Variants in ANKRD6 observed in about 807,000 individuals in gnomAD.
ANKRD6 encodes ankyrin repeat domain-containing protein 6.
A neutral mutation model predicts 82.3 loss-of-function variants in ANKRD6; 56 were observed. The ratio of observed to expected loss-of-function variants is 0.68; its 90% CI spans 0.55 to 0.85. ANKRD6 has a LOEUF of 0.85. Ranked by LOEUF, ANKRD6 falls within the 40% of genes least tolerant of loss-of-function variation. ANKRD6 has a pLI of 0.00. For missense variants in ANKRD6, 852 were observed against 907.6 expected, an observed-to-expected ratio of 0.94 and a Z score of 0.79; for synonymous variants, 347 against 352.1, an observed-to-expected ratio of 0.99 and a Z score of 0.16.
At chr6:89,612,145 C>A in intron 5 of ANKRD6, 127 bp from the exon 6 acceptor site, 1 of 765,214 alleles carries the variant, frequency 1.3e-6, no homozygotes, top group South Asian at 2.1e-5. Flanking sequence ...CTGAAACCAT[C>A]GGGCAAGAGG....
chr6:89,630,622 A>T lies in ANKRD6; in HGVS notation c.1802A>T (p.Asn601Ile). The T allele has an allele frequency of 6.2e-7, 1 of 1,613,910 alleles. No homozygotes were observed. The highest frequency in any genetic ancestry group is 8.5e-7 in the Non-Finnish European group (1 of 1,179,834). Residue 601 changes from asparagine (N) to isoleucine (I), a missense_variant, in exon 16 of 16, where the codon AAT becomes ATT. Physicochemically the swap from Asn to Ile is moderately radical, Grantham distance 149 (BLOSUM62 -3). Coordinates refer to ENST00000339746, the MANE Select transcript of ANKRD6 (RefSeq NM_001242809.2). ...GTCCAGACAGCCTTGCTACCCATGAATGAGGCAGCCAGATCTGATCAGCAG... is the reference window on the plus strand; with the variant it reads ...GTCCAGACAGCCTTGCTACCCATGATTGAGGCAGCCAGATCTGATCAGCAG... The part of the protein sequence containing the change: ...VKVQTALLPM[N>I]EAARSDQQAG...
At chr6:89,529,854 A>G (rs115615396) in intron 1 of ANKRD6, among the ~76,000 whole-genome samples, 169 of 152,308 alleles carry the variant, frequency 1.1e-3, no homozygotes, top group African/African-American at 4.0e-3. Context: ...ACATTTACCA[A>G]TTAAGTTTGC....
intron 8 of ANKRD6, among the ~76,000 whole-genome samples, chr6:89,617,118 C>G (rs1007469688): frequency 6.6e-6 from 1 of 152,234 alleles, no homozygotes; most frequent in Non-Finnish European, 1.5e-5. Flanking sequence ...TCCTGCAGAT[C>G]CTAGAGCAGG....
At chr6:89,434,829 A>C (rs57027524) in intron 1 of ANKRD6, among the ~76,000 whole-genome samples, 11,920 of 152,210 alleles carry the variant, frequency 0.078, 580 homozygotes, top group South Asian at 0.15. Context: ...TTTTTTAAAA[A>C]TTAGGGATAC....
intron 9 of ANKRD6, chr6:89,621,471 T>C (rs1377865765): frequency 5.8e-6 from 1 of 171,996 alleles, no homozygotes; most frequent in African/African-American, 2.4e-5. Context: ...TGGACACAGT[T>C]TGGCCAAGGG....
intron 1 of ANKRD6, among the ~76,000 whole-genome samples, chr6:89,544,338 C>T (rs935532956): frequency 3.3e-5 from 5 of 152,210 alleles, no homozygotes; most frequent in Non-Finnish European, 5.9e-5. Context: ...AGAGTGCTCC[C>T]ATGCAGATAA....
At chr6:89,586,391 A>G (rs1317334686) in intron 2 of ANKRD6, among the ~76,000 whole-genome samples, 1 of 152,156 alleles carries the variant, frequency 6.6e-6, no homozygotes, top group Non-Finnish European at 1.5e-5. Context: ...GCGTCAACCC[A>G]TTGAAAATGT....
chr6:89,512,193 C>T (rs1173104433), intron 1 of ANKRD6, among the ~76,000 whole-genome samples: 1 of 152,202 alleles, frequency 6.6e-6, no homozygotes, highest in Admixed American at 6.5e-5. Flanking sequence ...TGTAGATAGA[C>T]TTCCATGCAT....
chr6:89,492,794 C>T (rs1215951192), intron 1 of ANKRD6, among the ~76,000 whole-genome samples: 1 of 151,886 alleles, frequency 6.6e-6, no homozygotes, highest in Non-Finnish European at 1.5e-5. Flanking sequence ...CATTTGGTAC[C>T]TTTTTTTTCT....
chr6:89,464,749 C>T (rs1395752873), intron 1 of ANKRD6, among the ~76,000 whole-genome samples: 3 of 152,316 alleles, frequency 2.0e-5, no homozygotes, highest in African/African-American at 7.2e-5. Flanking sequence ...TTTACGTCTG[C>T]ATAGAATTCT....
chr6:89,602,610 G>C (rs1196189775), intron 3 of ANKRD6: 1 of 176,284 alleles, frequency 5.7e-6, no homozygotes, highest in African/African-American at 2.3e-5. Flanking sequence ...GCTGGACAGT[G>C]GTCCCCCTGC....
chr6:89,485,205 A>C (rs554716644), intron 1 of ANKRD6, among the ~76,000 whole-genome samples: 8 of 152,326 alleles, frequency 5.3e-5, no homozygotes, highest in African/African-American at 1.7e-4. Context: ...TGTCAAGTTC[A>C]TAAGTGGAGT....
intron 1 of ANKRD6, among the ~76,000 whole-genome samples, chr6:89,503,960 G>A (rs1039330730): frequency 6.6e-6 from 1 of 152,074 alleles, no homozygotes; most frequent in South Asian, 2.1e-4. Flanking sequence ...AGGTAAGTGG[G>A]GAGCAGACGC....
chr6:89,506,073 G>A (rs1285979074), intron 1 of ANKRD6, among the ~76,000 whole-genome samples: 1 of 152,138 alleles, frequency 6.6e-6, no homozygotes, highest in Non-Finnish European at 1.5e-5. Flanking sequence ...GAAGCAATGG[G>A]AACATGTTAG....
intron 2 of ANKRD6, among the ~76,000 whole-genome samples, chr6:89,587,717 A>G (rs1026502424): frequency 3.3e-5 from 5 of 152,168 alleles, no homozygotes; most frequent in Non-Finnish European, 1.5e-5. Context: ...AGCCTATTCC[A>G]ATCTGAGATT....
chr6:89,624,031 C>A lies in ANKRD6; in HGVS notation c.1192C>A (p.Arg398=). 1 of 1,607,814 alleles carries A rather than the reference C, an allele frequency of 6.2e-7. No individual in the cohort carries two copies. Among genetic ancestry groups the A allele is most frequent in the East Asian group, 2.2e-5 (1 of 44,574 alleles). ...FRAYQLYTLY[R]GKDGKVMQAP... Reference sequence around the variant, plus strand: ...GGCGTATCAGCTCTACACATTGTACCGGGGCAAGGATGGGAAAGTGATGCA... The same window carrying A: ...GGCGTATCAGCTCTACACATTGTACAGGGGCAAGGATGGGAAAGTGATGCA... Residue 398 remains arginine, a synonymous_variant, in exon 12 of 16, where the codon CGG becomes AGG. Coordinates refer to ENST00000339746, the MANE Select transcript of ANKRD6 (RefSeq NM_001242809.2).
At chr6:89,495,231 TCAAAACAAAACAAAA>T (rs61057432) in intron 1 of ANKRD6, among the ~76,000 whole-genome samples, 1,912 of 152,108 alleles carry the variant, frequency 0.013, 42 homozygotes, top group African/African-American at 0.044. Context: ...AGACTCCATC[TCAAAACAAAACAAAA>T]CAAAACAAAA....
At chr6:89,605,955 G>C (rs1798474492) in intron 4 of ANKRD6, 52 bp from the exon 5 acceptor site, 1 of 1,345,902 alleles carries the variant, frequency 7.4e-7, no homozygotes, top group Non-Finnish European at 1.0e-6. Flanking sequence ...ATCATAATGA[G>C]AAGAATTAGG....
At chr6:89,537,703 G>A (rs1019228876) in intron 1 of ANKRD6, among the ~76,000 whole-genome samples, 9 of 151,622 alleles carry the variant, frequency 5.9e-5, no homozygotes, top group African/African-American at 1.7e-4. Flanking sequence ...TGCTTGACCA[G>A]CCTGGGTAAC....
Sources: gnomAD v4.1 joint callset for allele counts (sites outside exome capture counted in the v4.1 genomes callset) on GRCh38, gnomAD v4.1.1 for gene constraint, MANE v1.5 for transcripts, NCBI Gene and HGNC (gene_info 2026-07-23, HGNC 2026-07-21) for gene names.